The following MYO16 variants were observed in gnomAD, a reference collection of about 807,000 sequenced individuals.
The protein encoded by MYO16 is unconventional myosin-XVI.
A neutral mutation model predicts 205.3 loss-of-function variants in MYO16; 94 were observed. The ratio of observed to expected loss-of-function variants is 0.46; its 90% CI spans 0.39 to 0.54. The LOEUF is 0.54. Ranked by LOEUF, MYO16 falls within the 20% of genes least tolerant of loss-of-function variation. The probability of loss-of-function intolerance (pLI) is 0.00; values close to 1 mark genes in which losing one functional copy is unlikely to be tolerated. For synonymous variants in MYO16, 988 were observed against 954.0 expected (o/e 1.04, Z -0.66); for missense variants, 2,315 against 2,387.5 (o/e 0.97, Z 0.63).
Position 108,973,207 on chromosome 13 carries a change from T to C in MYO16, c.2369+8305T>C, listed in dbSNP as rs552455859. On this transcript the variant is annotated intron_variant, in intron 20 of 34. Transcript: ENST00000457511. ...ATTATGGAGGGAAAAAATGAAGGCT[T>C]TTGACAATATATCACTTGTGAAATT... is the stretch of plus-strand genomic sequence containing the variant. Among the ~76,000 whole-genome samples the C allele has an allele frequency of 3.9e-5, 6 of 152,224 alleles. No individual in the cohort carries two copies. In the East Asian group the frequency reaches 1.2e-3, roughly 29 times the overall value.
intron 2 of MYO16, among the ~76,000 whole-genome samples, chr13:108,679,329 T>C (rs904454789): frequency 1.3e-5 from 2 of 152,182 alleles, no homozygotes; most frequent in African/African-American, 4.8e-5. Flanking sequence ...ATTGCACTTA[T>C]AACCTTGAAG....
chr13:108,772,486 G>A (rs1885999300), intron 4 of MYO16, among the ~76,000 whole-genome samples: 2 of 152,168 alleles, frequency 1.3e-5, no homozygotes, highest in African/African-American at 4.8e-5. Flanking sequence ...TGGTGCATCA[G>A]TGTTCTACGT....
chr13:108,615,267 T>C (rs188311059), intron 1 of MYO16, among the ~76,000 whole-genome samples: 6 of 152,162 alleles, frequency 3.9e-5, no homozygotes, highest in South Asian at 4.1e-4. Flanking sequence ...TTCATACCCA[T>C]AACTGGCTAA....
the MYO16 span, among the ~76,000 whole-genome samples, chr13:108,501,814 T>C: frequency 5.9e-5 from 9 of 152,246 alleles, no homozygotes; most frequent in African/African-American, 2.2e-4. Context: ...ATTTACTCTT[T>C]GGCCTTTTAC....
At chr13:109,028,798 T>C (rs1187584786) in intron 23 of MYO16, among the ~76,000 whole-genome samples, 1 of 151,722 alleles carries the variant, frequency 6.6e-6, no homozygotes, top group Non-Finnish European at 1.5e-5. Context: ...ACTGTTCATG[T>C]CACTGATTTC....
intron 34 of MYO16, among the ~76,000 whole-genome samples, chr13:109,184,853 G>A (rs1280035034): frequency 6.6e-6 from 1 of 151,540 alleles, no homozygotes; most frequent in Non-Finnish European, 1.5e-5. Flanking sequence ...ACTGCAACCT[G>A]CACCTCCCAG....
chr13:109,175,828 T>C (rs749847867), intron 33 of MYO16, among the ~76,000 whole-genome samples: 1 of 114,064 alleles, frequency 8.8e-6, no homozygotes, highest in Non-Finnish European at 1.7e-5. Flanking sequence ...TCCAACACGA[T>C]TGGAGTCTTC....
intron 15 of MYO16, among the ~76,000 whole-genome samples, chr13:108,906,397 A>G (rs1406219890): frequency 6.6e-6 from 1 of 152,246 alleles, no homozygotes; most frequent in Non-Finnish European, 1.5e-5. Context: ...CCTTAAAATT[A>G]CTGCAAATGA....
chr13:108,668,636 C>T (rs781656274), intron 2 of MYO16, among the ~76,000 whole-genome samples: 22 of 152,252 alleles, frequency 1.4e-4, no homozygotes, highest in East Asian at 1.9e-4. Flanking sequence ...GTGATGGATA[C>T]GGGGCAGGGA....
At chr13:108,712,610 A>G (rs1421829966) in intron 2 of MYO16, 51 bp from the exon 3 acceptor site, 1 of 1,504,102 alleles carries the variant, frequency 6.6e-7, no homozygotes, top group Non-Finnish European at 9.3e-7. Context: ...TTGGTTCCAC[A>G]CGTGGAAGAA....
chr13:108,537,700 T>C, the MYO16 span, among the ~76,000 whole-genome samples: 3 of 152,130 alleles, frequency 2.0e-5, no homozygotes, highest in African/African-American at 7.2e-5. Context: ...ATAATAGCCA[T>C]TGTGACTGGT....
intron 10 of MYO16, among the ~76,000 whole-genome samples, chr13:108,849,122 C>T (rs1877681339): frequency 1.3e-5 from 2 of 152,214 alleles, no homozygotes; most frequent in South Asian, 2.1e-4. Context: ...GTATGTGTCA[C>T]ATGATCACCC....
chr13:109,187,523 T>G (rs1879735309), intron 34 of MYO16, among the ~76,000 whole-genome samples: 1 of 152,220 alleles, frequency 6.6e-6, no homozygotes, highest in South Asian at 2.1e-4. Flanking sequence ...TAAATTTCCA[T>G]CTCAACACTG....
chr13:109,148,101 G>T (rs944560535), intron 32 of MYO16, among the ~76,000 whole-genome samples: 4 of 152,094 alleles, frequency 2.6e-5, no homozygotes, highest in African/African-American at 9.7e-5. Context: ...ATATTTCATT[G>T]TTTTTAATCC....
At chr13:109,188,552 G>A (rs924641111) in intron 34 of MYO16, among the ~76,000 whole-genome samples, 3 of 152,124 alleles carry the variant, frequency 2.0e-5, no homozygotes, top group Admixed American at 6.6e-5. Context: ...GAACTAACAC[G>A]ATAGATGAAT....
At chr13:109,171,340 A>G (rs1463512425) in intron 33 of MYO16, among the ~76,000 whole-genome samples, 3 of 152,226 alleles carry the variant, frequency 2.0e-5, no homozygotes, top group Non-Finnish European at 4.4e-5. Flanking sequence ...AGTGCAGCCA[A>G]TGCACTTTCT....
At chr13:108,704,243 C>A (rs1883417308) in intron 2 of MYO16, among the ~76,000 whole-genome samples, 1 of 152,094 alleles carries the variant, frequency 6.6e-6, no homozygotes, top group Non-Finnish European at 1.5e-5. Context: ...AAAAATGAAT[C>A]ACAATAGATA....
chr13:108,851,290 C>T (rs774987341), intron 10 of MYO16, among the ~76,000 whole-genome samples: 1 of 152,140 alleles, frequency 6.6e-6, no homozygotes, highest in Non-Finnish European at 1.5e-5. Flanking sequence ...TACATGCATA[C>T]GTGCATGCCT....
chr13:108,918,039 T>C (rs1354326229), intron 16 of MYO16, among the ~76,000 whole-genome samples: 1 of 152,256 alleles, frequency 6.6e-6, no homozygotes, highest in Non-Finnish European at 1.5e-5. Flanking sequence ...CTTCAACCTG[T>C]TCGATTCTCA....
Sources: allele counts gnomAD v4.1 joint callset (sites outside exome capture counted in the v4.1 genomes callset), GRCh38; gene constraint gnomAD v4.1.1; transcripts MANE v1.5; gene names NCBI Gene and HGNC (gene_info 2026-07-23, HGNC 2026-07-21).